METAP1: variants seen among roughly 807,000 people sequenced by gnomAD.
The protein encoded by METAP1 is methionine aminopeptidase 1.
METAP1 carries 28 observed loss-of-function variants against 53.8 expected under a neutral mutation model. The observed-to-expected ratio is 0.52, with a 90% CI of 0.39 to 0.71. The LOEUF (loss-of-function observed/expected upper bound fraction) is 0.71. METAP1 is among the 30% of genes least tolerant of loss of function. The pLI, the probability that METAP1 is intolerant of heterozygous loss-of-function variation, is 0.00. For missense variants in METAP1, 389 were observed against 479.8 expected, an observed-to-expected ratio of 0.81 and a Z score of 1.77; for synonymous variants, 181 against 165.7, an observed-to-expected ratio of 1.09 and a Z score of -0.71.
chr4:99,040,741 C>T (rs17028406), intron 5 of METAP1, among the ~76,000 whole-genome samples: 3,050 of 150,938 alleles, frequency 0.02, 89 homozygotes, highest in African/African-American at 0.069. Context: ...TCTACTTTTC[C>T]CCATTATAGA....
chr4:99,011,043 G>T (rs1579248132), intron 1 of METAP1, among the ~76,000 whole-genome samples: 1 of 149,876 alleles, frequency 6.7e-6, no homozygotes, highest in African/African-American at 2.5e-5. Flanking sequence ...AGCTCTAACA[G>T]TTTTTTTTTT....
At chr4:99,054,641 A>G (rs373059992) in intron 9 of METAP1, among the ~76,000 whole-genome samples, 2 of 152,236 alleles carry the variant, frequency 1.3e-5, no homozygotes, top group East Asian at 3.8e-4. Context: ...TATCTAGGCT[A>G]TTGACATGCC....
At chr4:99,034,643 A>G (rs1725298698) in intron 3 of METAP1, among the ~76,000 whole-genome samples, 1 of 152,196 alleles carries the variant, frequency 6.6e-6, no homozygotes, top group Non-Finnish European at 1.5e-5. Flanking sequence ...CTCGATATCC[A>G]TGGATGATTG....
chr4:99,037,530 A>G (rs1725520873), intron 4 of METAP1, among the ~76,000 whole-genome samples: 1 of 151,922 alleles, frequency 6.6e-6, no homozygotes, highest in South Asian at 2.1e-4. Flanking sequence ...TCTCAGAAGG[A>G]TACCTGGTTA....
intron 9 of METAP1, among the ~76,000 whole-genome samples, chr4:99,052,325 ATTG>A (rs1726772240): frequency 6.6e-6 from 1 of 152,324 alleles, no homozygotes; most frequent in South Asian, 2.1e-4. Flanking sequence ...ACATTCTCAC[ATTG>A]TTAGAAATTC....
intron 2 of METAP1, chr4:99,031,657 T>C: frequency 2.7e-6 from 3 of 1,114,898 alleles, no homozygotes; most frequent in Non-Finnish European, 3.6e-6. Flanking sequence ...ATGTGTACCA[T>C]GCATAGTAAG....
rs575048587 is a variant in METAP1 at position 99,028,363 on chromosome 4, T to C, written c.115-504T>C. ...CCCTAGCACATGCCAGGCACTCTGCTTGGCTCTGAGCAATAGTGGTAAACT... is the reference window on the plus strand; with the variant it reads ...CCCTAGCACATGCCAGGCACTCTGCCTGGCTCTGAGCAATAGTGGTAAACT... On this transcript the variant is annotated intron_variant, in intron 1 of 10. Transcript: ENST00000296411. Among the ~76,000 whole-genome samples the C allele has an allele frequency of 1.1e-4, 16 of 152,262 alleles. 1 individual carries two copies. In the South Asian group the frequency reaches 3.3e-3, roughly 32 times the overall value.
chr4:99,002,055 C>T (rs1722949142), intron 1 of METAP1, among the ~76,000 whole-genome samples: 1 of 152,154 alleles, frequency 6.6e-6, no homozygotes. Flanking sequence ...ATACTGTTCA[C>T]TTAGTTTGTG....
chr4:98,996,180 C>CG (rs149316899), intron 1 of METAP1, among the ~76,000 whole-genome samples: 2,079 of 152,226 alleles, frequency 0.014, 41 homozygotes, highest in African/African-American at 0.047. Flanking sequence ...GCCGGTTCCC[C>CG]GCGCTGGGGC....
chr4:98,996,486 G>C (rs981581635), intron 1 of METAP1, among the ~76,000 whole-genome samples: 9 of 152,266 alleles, frequency 5.9e-5, no homozygotes, highest in Admixed American at 3.3e-4. Context: ...AACTTTGGGG[G>C]TGGGGAAGGG....
At chr4:99,056,791 G>A (rs879743012) in intron 9 of METAP1, among the ~76,000 whole-genome samples, 3 of 151,462 alleles carry the variant, frequency 2.0e-5, no homozygotes, top group Middle Eastern at 3.4e-3. Context: ...GGATGGTCTC[G>A]ATCTCCTGAC....
intron 1 of METAP1, among the ~76,000 whole-genome samples, chr4:99,004,476 C>T (rs886573288): frequency 0.045 from 757 of 16,844 alleles, 4 homozygotes; most frequent in African/African-American, 0.065. Context: ...CACACACACA[C>T]ACACACATAC....
At chr4:99,002,779 A>G (rs1208791929) in intron 1 of METAP1, among the ~76,000 whole-genome samples, 3 of 152,202 alleles carry the variant, frequency 2.0e-5, no homozygotes, top group Admixed American at 2.0e-4. Context: ...AAGCATTTCT[A>G]AAAACCCTGT....
At chr4:99,050,634 G>A (rs1025948573) in intron 9 of METAP1, among the ~76,000 whole-genome samples, 9 of 152,156 alleles carry the variant, frequency 5.9e-5, no homozygotes, top group Admixed American at 5.2e-4. Context: ...GCAAGCAAGC[G>A]AGCTTTACCA....
intron 5 of METAP1, among the ~76,000 whole-genome samples, chr4:99,040,820 A>T (rs777284106): frequency 6.6e-6 from 1 of 151,660 alleles, no homozygotes; most frequent in Non-Finnish European, 1.5e-5. Context: ...TTTCACATAG[A>T]AATCAGCCAA....
At chr4:99,025,101 C>T (rs1468670884) in intron 1 of METAP1, among the ~76,000 whole-genome samples, 1 of 152,216 alleles carries the variant, frequency 6.6e-6, no homozygotes, top group Non-Finnish European at 1.5e-5. Context: ...AATGCCAGCC[C>T]ATCTGCTGCT....
intron 2 of METAP1, 23 bp from the exon 3 acceptor site, chr4:99,034,207 A>G: frequency 7.2e-7 from 1 of 1,383,934 alleles, no homozygotes; most frequent in Non-Finnish European, 1.0e-6. Context: ...CCTTCCTCTC[A>G]TATCTATTCC....
chr4:99,047,816 T>C (rs1485419578), intron 8 of METAP1, among the ~76,000 whole-genome samples: 1 of 152,184 alleles, frequency 6.6e-6, no homozygotes, highest in Non-Finnish European at 1.5e-5. Context: ...TTTTTTGTTT[T>C]GTGTTTTATT....
intron 1 of METAP1, among the ~76,000 whole-genome samples, chr4:99,000,573 A>G (rs1172049140): frequency 2.0e-5 from 3 of 152,060 alleles, no homozygotes; most frequent in Admixed American, 6.6e-5. Flanking sequence ...TTACTTGTTT[A>G]TGAACATTTT....
Sources: gnomAD v4.1 joint callset for allele counts (sites outside exome capture counted in the v4.1 genomes callset) on GRCh38, gnomAD v4.1.1 for gene constraint, MANE v1.5 for transcripts, NCBI Gene and HGNC (gene_info 2026-07-23, HGNC 2026-07-21) for gene names.